The following TMEM163 variants were observed in gnomAD, a reference collection of about 807,000 sequenced individuals.
TMEM163 encodes transmembrane protein 163.
In TMEM163, 17 loss-of-function variants were observed where a neutral mutation model predicts 29.3. That is an observed-to-expected ratio of 0.58 (90% CI 0.40 to 0.87). The LOEUF (loss-of-function observed/expected upper bound fraction) is 0.87, where lower values mean the gene tolerates loss of function less well. TMEM163 is among the 40% of genes least tolerant of loss of function. The pLI, the probability that TMEM163 is intolerant of heterozygous loss-of-function variation, is 0.00. For synonymous variants in TMEM163, 157 were observed against 160.6 expected (o/e 0.98, Z 0.17); for missense variants, 303 against 381.5 (o/e 0.79, Z 1.71).
At chr2:134,598,764 C>G (rs576396768) in intron 2 of TMEM163, among the ~76,000 whole-genome samples, 6 of 151,546 alleles carry the variant, frequency 4.0e-5, no homozygotes, top group African/African-American at 1.2e-4. Context: ...TAAAAAAATA[C>G]AAAAAATTAT....
intron 2 of TMEM163, among the ~76,000 whole-genome samples, chr2:134,707,941 T>C (rs1269258269): frequency 7.0e-6 from 1 of 142,144 alleles, no homozygotes; most frequent in African/African-American, 2.7e-5. Context: ...CAGGCTGGAG[T>C]GCAATGGTGC....
intron 2 of TMEM163, among the ~76,000 whole-genome samples, chr2:134,651,849 A>C (rs1481561068): frequency 8.2e-6 from 1 of 122,392 alleles, no homozygotes; most frequent in Admixed American, 8.1e-5. Context: ...AAGATCAGAT[A>C]GTTGTAGATA....
intron 2 of TMEM163, among the ~76,000 whole-genome samples, chr2:134,617,417 C>G (rs1302717074): frequency 2.6e-5 from 4 of 151,970 alleles, no homozygotes; most frequent in Admixed American, 1.3e-4. Flanking sequence ...TTTAGACCAG[C>G]CTGGCCAACA....
At chr2:134,651,432 T>A (rs2104848410) in intron 2 of TMEM163, among the ~76,000 whole-genome samples, 1 of 119,892 alleles carries the variant, frequency 8.3e-6, no homozygotes, top group Admixed American at 8.3e-5. Context: ...TCATTGTAGA[T>A]TCTGGATATT....
At chr2:134,458,264 C>A in intron 6 of TMEM163, 91 bp from the exon 7 acceptor site, 1 of 1,497,386 alleles carries the variant, frequency 6.7e-7, no homozygotes. Flanking sequence ...GTAACTGGAG[C>A]ATGTGCTGGG....
intron 5 of TMEM163, among the ~76,000 whole-genome samples, chr2:134,501,992 C>T (rs1679705710): frequency 6.6e-6 from 1 of 152,176 alleles, no homozygotes; most frequent in Non-Finnish European, 1.5e-5. Flanking sequence ...CATGCCTCTA[C>T]TAAATGCAGG....
chr2:134,702,515 C>T (rs999073468), intron 2 of TMEM163, among the ~76,000 whole-genome samples: 4 of 151,986 alleles, frequency 2.6e-5, no homozygotes, highest in Admixed American at 6.6e-5. Flanking sequence ...CATGGTGGCA[C>T]GCCCCTGTAG....
intron 2 of TMEM163, among the ~76,000 whole-genome samples, chr2:134,603,791 G>A (rs1339202042): frequency 2.3e-5 from 3 of 130,946 alleles, no homozygotes; most frequent in East Asian, 2.6e-4. Flanking sequence ...AGCTGGCACT[G>A]TTTTGCCCAC....
rs936946273 is a variant in TMEM163 at position 134,566,226 on chromosome 2, A to G, written c.323-14135T>C. 5.9e-5 allele frequency among the ~76,000 whole-genome samples: 9 copies of G among 152,328 alleles called. No homozygotes were observed. The South Asian group carries it at 1.9e-3, about 32-fold the overall frequency. On this transcript the variant is annotated intron_variant, in intron 2 of 7. Coordinates refer to ENST00000281924, the MANE Select transcript of TMEM163 (RefSeq NM_030923.5). ...TAACTGATAAACATAAGGTAGCAAAACTGAAAAAACGAGAAGAAAATGAAG... is the reference window on the plus strand; with the variant it reads ...TAACTGATAAACATAAGGTAGCAAAGCTGAAAAAACGAGAAGAAAATGAAG...
intron 2 of TMEM163, among the ~76,000 whole-genome samples, chr2:134,656,533 A>G (rs1403144979): frequency 6.6e-6 from 1 of 152,188 alleles, no homozygotes; most frequent in East Asian, 1.9e-4. Flanking sequence ...TGGGAGCTGT[A>G]GACCGGAGCT....
At chr2:134,675,338 C>T (rs1684091667) in intron 2 of TMEM163, among the ~76,000 whole-genome samples, 1 of 152,124 alleles carries the variant, frequency 6.6e-6, no homozygotes, top group African/African-American at 2.4e-5. Context: ...AAATCTAAAC[C>T]ATGTAGGCAT....
chr2:134,632,636 G>A (rs1328296362), intron 2 of TMEM163, among the ~76,000 whole-genome samples: 1 of 152,222 alleles, frequency 6.6e-6, no homozygotes, highest in Non-Finnish European at 1.5e-5. Context: ...TCCTCAAAGG[G>A]TGGAAGGAGA....
intron 2 of TMEM163, among the ~76,000 whole-genome samples, chr2:134,593,425 C>T (rs963534146): frequency 9.7e-5 from 14 of 144,678 alleles, no homozygotes; most frequent in African/African-American, 3.7e-4. Context: ...GACAGTCAGT[C>T]CCCTCTCCCT....
At chr2:134,552,395 C>T (rs1480648830) in intron 2 of TMEM163, among the ~76,000 whole-genome samples, 3 of 152,126 alleles carry the variant, frequency 2.0e-5, no homozygotes, top group Admixed American at 1.3e-4. Context: ...AATTTAGCAA[C>T]TGGGAACTAT....
At chr2:134,487,193 G>A (rs1049511267) in intron 5 of TMEM163, among the ~76,000 whole-genome samples, 2 of 152,116 alleles carry the variant, frequency 1.3e-5, no homozygotes, top group Non-Finnish European at 2.9e-5. Context: ...AAACAAAGTG[G>A]CATTATAAAA....
Position 134,456,789 on chromosome 2 carries a change from A to G in TMEM163, c.810-13T>C. On this transcript the variant is annotated splice_polypyrimidine_tract_variant and intron_variant, in intron 7 of 7. Transcript: ENST00000281924. ...GTCGATGAGGAGTCTGCAAAGACGA[A>G]GACAGACAAGGTCACCTCCATGGCA... The G allele has an allele frequency of 6.2e-7, 1 of 1,613,016 alleles. No individual in the cohort carries two copies.
At chr2:134,581,910 T>C (rs1188752216) in intron 2 of TMEM163, among the ~76,000 whole-genome samples, 1 of 152,194 alleles carries the variant, frequency 6.6e-6, no homozygotes, top group East Asian at 1.9e-4. Context: ...GTTCAAAATA[T>C]GGCTACACAT....
intron 2 of TMEM163, among the ~76,000 whole-genome samples, chr2:134,696,784 C>A (rs1684591087): frequency 2.0e-5 from 3 of 151,962 alleles, no homozygotes; most frequent in South Asian, 4.2e-4. Flanking sequence ...TCTGCAGAAT[C>A]CCTTGGCTTT....
chr2:134,578,615 T>C (rs1681616354), intron 2 of TMEM163, among the ~76,000 whole-genome samples: 2 of 152,296 alleles, frequency 1.3e-5, no homozygotes, highest in African/African-American at 4.8e-5. Context: ...TGAAAAATAC[T>C]ATGCACAACC....
Sources: allele counts gnomAD v4.1 joint callset (sites outside exome capture counted in the v4.1 genomes callset), GRCh38; gene constraint gnomAD v4.1.1; transcripts MANE v1.5; gene names NCBI Gene and HGNC (gene_info 2026-07-23, HGNC 2026-07-21).